The following OSBPL9 variants were observed in gnomAD, a reference collection of about 807,000 sequenced individuals.
The protein encoded by OSBPL9 is oxysterol binding protein like 9.
OSBPL9 carries 40 observed loss-of-function variants against 106.6 expected under a neutral mutation model. The observed-to-expected ratio is 0.38, with a 90% confidence interval of 0.29 to 0.49. OSBPL9 has a LOEUF of 0.49. Among genes scored for constraint, OSBPL9 ranks in the 20% least tolerant of loss-of-function variants. The pLI is 0.97. For missense variants in OSBPL9, 609 were observed against 887.2 expected (o/e 0.69, Z 3.98); for synonymous variants, 269 against 295.4 (o/e 0.91, Z 0.92).
intron 3 of OSBPL9, among the ~76,000 whole-genome samples, chr1:51,692,432 C>T (rs113556540): frequency 6.6e-6 from 1 of 152,144 alleles, no homozygotes; most frequent in African/African-American, 2.4e-5. Context: ...CTGTACATGC[C>T]ATACTTTTTT....
chr1:51,734,630 ATTC>A (rs2148957335), intron 4 of OSBPL9, among the ~76,000 whole-genome samples: 1 of 152,324 alleles, frequency 6.6e-6, no homozygotes, highest in Non-Finnish European at 1.5e-5. Flanking sequence ...GAATTTTCAA[ATTC>A]TAATTCCATT....
intron 4 of OSBPL9, among the ~76,000 whole-genome samples, chr1:51,734,834 C>G (rs985155492): frequency 6.6e-6 from 1 of 152,140 alleles, no homozygotes; most frequent in Non-Finnish European, 1.5e-5. Context: ...GCCTTTCCCC[C>G]CCAAACCCTA....
chr1:51,701,651 G>T (rs60216393), intron 3 of OSBPL9, among the ~76,000 whole-genome samples: 3,243 of 146,656 alleles, frequency 0.022, 63 homozygotes, highest in Middle Eastern at 0.094. Flanking sequence ...GGTTTTTTTT[G>T]TTTTTTTTTT....
rs776086879 is a variant in OSBPL9, at chr1:51,748,385, A to G, written c.479A>G (p.Lys160Arg). Reference protein sequence around the residue: ...DEQRKKIETLKETTNSMVESI... With the variant: ...DEQRKKIETLRETTNSMVESI... ...TTTTCACAGAAAATTGAAACTCTCAAAGAGACAACAAATGTAAGTTATATG... is the reference window on the plus strand; with the variant it reads ...TTTTCACAGAAAATTGAAACTCTCAGAGAGACAACAAATGTAAGTTATATG... Residue 160 changes from lysine (K) to arginine (R), a missense_variant, in exon 7 of 24, where the codon AAA becomes AGA. Physicochemically the swap from Lys to Arg is conservative, Grantham distance 26 (BLOSUM62 2). Around this residue, in one of 5 missense-constraint regions of OSBPL9, gnomAD observed 356 missense variants for 505.8 expected, o/e 0.70. Transcript: ENST00000428468. The G allele has an allele frequency of 5.9e-6, 9 of 1,523,890 alleles. No individual in the cohort carries two copies. The East Asian group carries it at 7.4e-5, about 13-fold the overall frequency. 94.4% of individuals were successfully genotyped at this position (1,523,890 alleles called of 1,614,324 possible).
At chr1:51,721,293 T>C (rs1197704265) in intron 4 of OSBPL9, among the ~76,000 whole-genome samples, 1 of 152,052 alleles carries the variant, frequency 6.6e-6, no homozygotes, top group Non-Finnish European at 1.5e-5. Flanking sequence ...AGAAATACCA[T>C]TGAGTCTGTG....
intron 3 of OSBPL9, among the ~76,000 whole-genome samples, chr1:51,684,918 T>TC (rs1653429010): frequency 6.9e-6 from 1 of 144,406 alleles, no homozygotes; most frequent in Admixed American, 6.9e-5. Context: ...TTCTTCTTTT[T>TC]TTTTTTTTTT....
intron 3 of OSBPL9, among the ~76,000 whole-genome samples, chr1:51,696,997 A>G (rs1430656721): frequency 2.0e-5 from 3 of 151,876 alleles, no homozygotes; most frequent in Non-Finnish European, 4.4e-5. Context: ...ACCCATCTCT[A>G]AAAGAATAAA....
the OSBPL9 span, among the ~76,000 whole-genome samples, chr1:51,524,272 A>C: frequency 6.6e-6 from 1 of 152,222 alleles, no homozygotes; most frequent in African/African-American, 2.4e-5. Flanking sequence ...GTGATAGAAC[A>C]GTTCAAAATT....
At chr1:51,766,709 C>G (rs540498160) in intron 12 of OSBPL9, among the ~76,000 whole-genome samples, 1 of 151,316 alleles carries the variant, frequency 6.6e-6, no homozygotes, top group Non-Finnish European at 1.5e-5. Context: ...AGTCTACTTA[C>G]AGGGAAATGG....
At chr1:51,524,762 A>G in the OSBPL9 span, among the ~76,000 whole-genome samples, 6 of 152,202 alleles carry the variant, frequency 3.9e-5, no homozygotes, top group African/African-American at 1.4e-4. Flanking sequence ...GAGAAAGCAA[A>G]CACTGTTTTG....
At chr1:51,698,672 T>C (rs1170647210) in intron 3 of OSBPL9, among the ~76,000 whole-genome samples, 2 of 152,082 alleles carry the variant, frequency 1.3e-5, no homozygotes, top group Admixed American at 6.6e-5. Context: ...AATGTACAAA[T>C]AACATTATTT....
chr1:51,628,455 G>T (rs1009983746), intron 1 of OSBPL9, among the ~76,000 whole-genome samples: 1 of 151,312 alleles, frequency 6.6e-6, no homozygotes, highest in East Asian at 2.0e-4. Flanking sequence ...GCAGTGGCTC[G>T]TGCCTGTAAT....
chr1:51,702,529 A>C (rs1261397710), intron 3 of OSBPL9, among the ~76,000 whole-genome samples: 3 of 152,156 alleles, frequency 2.0e-5, no homozygotes, highest in African/African-American at 7.2e-5. Context: ...AGTTCATTGT[A>C]GATTCTGGAT....
At chr1:51,625,575 C>T (rs372984145) in intron 1 of OSBPL9, among the ~76,000 whole-genome samples, 17 of 151,308 alleles carry the variant, frequency 1.1e-4, no homozygotes, top group African/African-American at 4.1e-4. Flanking sequence ...GGCTGGAGTG[C>T]AGTGGCATGA....
intron 3 of OSBPL9, chr1:51,709,329 T>C (rs1659317782): frequency 4.6e-6 from 1 of 216,992 alleles, no homozygotes; most frequent in Non-Finnish European, 9.8e-6. Context: ...AGCCCTCAAC[T>C]TTGCCTTTAG....
chr1:51,575,463 G>A (rs563666014), upstream of OSBPL9, among the ~76,000 whole-genome samples: 266 of 151,234 alleles, frequency 1.8e-3, no homozygotes, highest in African/African-American at 6.2e-3. Context: ...CGCCTGCCTC[G>A]GCCTCCCAAA....
At chr1:51,580,932 A>G (rs1198003558) in intron 1 of OSBPL9, among the ~76,000 whole-genome samples, 3 of 370 alleles carry the variant, frequency 8.1e-3, no homozygotes, top group Admixed American at 0.036. Flanking sequence ...ATATATATAT[A>G]TATATATATA....
intron 1 of OSBPL9, among the ~76,000 whole-genome samples, chr1:51,585,473 G>A (rs1241205440): frequency 2.0e-5 from 3 of 152,084 alleles, no homozygotes; most frequent in Non-Finnish European, 4.4e-5. Context: ...TCAGGTACAG[G>A]TTAGATATCA....
intron 1 of OSBPL9, among the ~76,000 whole-genome samples, chr1:51,593,576 A>G (rs1239016012): frequency 6.6e-6 from 1 of 152,034 alleles, no homozygotes; most frequent in Non-Finnish European, 1.5e-5. Flanking sequence ...TTCTCTGCCC[A>G]TCTGATAAAC....
Sources: gnomAD v4.1 joint callset for allele counts (sites outside exome capture counted in the v4.1 genomes callset) on GRCh38, gnomAD v4.1.1 for gene constraint, gnomAD v4.1.1 regional missense constraint, MANE v1.5 for transcripts, NCBI Gene and HGNC (gene_info 2026-07-23, HGNC 2026-07-21) for gene names.